The following FBXO25 variants were observed in gnomAD, a reference collection of about 807,000 sequenced individuals.
The protein encoded by FBXO25 is F-box only protein 25.
In FBXO25, 45 loss-of-function variants were observed where a neutral mutation model predicts 51.9. That is an observed-to-expected ratio of 0.87 (90% CI 0.68 to 1.11). The LOEUF is 1.11. Among genes scored for constraint, FBXO25 ranks in the 50% most tolerant of loss-of-function variants. The pLI is 0.00. For synonymous variants in FBXO25, 199 were observed against 151.0 expected (o/e 1.32, Z -2.33); for missense variants, 507 against 428.5 (o/e 1.18, Z -1.62).
intron 8 of FBXO25, among the ~76,000 whole-genome samples, chr8:461,460 T>C (rs1219756857): frequency 6.6e-6 from 1 of 152,156 alleles, no homozygotes; most frequent in African/African-American, 2.4e-5. Flanking sequence ...AACTGCCCTT[T>C]ATAAAATCAT....
At chr8:423,300 C>T (rs557078860) in intron 2 of FBXO25, among the ~76,000 whole-genome samples, 1 of 152,232 alleles carries the variant, frequency 6.6e-6, no homozygotes, top group East Asian at 1.9e-4. Flanking sequence ...CTTACTGGTT[C>T]TTCTTCTCCT....
intron 7 of FBXO25, among the ~76,000 whole-genome samples, chr8:456,534 G>C (rs17813015): frequency 0.13 from 20,021 of 152,206 alleles, 1,379 homozygotes; most frequent in South Asian, 0.18. Flanking sequence ...CTCTTGGACT[G>C]TGCAGCTCCA....
intron 7 of FBXO25, among the ~76,000 whole-genome samples, chr8:456,764 A>C (rs1167451191): frequency 1.3e-5 from 2 of 152,208 alleles, no homozygotes; most frequent in African/African-American, 2.4e-5. Flanking sequence ...CTTGGAGTGC[A>C]TCACTGGCGG....
chr8:417,327 A>G (rs1796867988), intron 2 of FBXO25, among the ~76,000 whole-genome samples: 1 of 152,228 alleles, frequency 6.6e-6, no homozygotes, highest in Non-Finnish European at 1.5e-5. Context: ...TCCAAGACGC[A>G]GGACAGAAGC....
intron 8 of FBXO25, among the ~76,000 whole-genome samples, chr8:460,311 C>T (rs921270176): frequency 3.3e-5 from 5 of 152,116 alleles, no homozygotes; most frequent in African/African-American, 1.2e-4. Context: ...CTGTTCTGCA[C>T]CCACATCCTA....
chr8:414,390 G>A (rs1011344963), intron 2 of FBXO25, among the ~76,000 whole-genome samples: 3 of 151,990 alleles, frequency 2.0e-5, no homozygotes, highest in Non-Finnish European at 4.4e-5. Flanking sequence ...AGAAATGTCA[G>A]GTGTCTCACA....
intron 7 of FBXO25, among the ~76,000 whole-genome samples, chr8:454,983 G>T (rs1431579075): frequency 6.6e-6 from 1 of 152,126 alleles, no homozygotes; most frequent in Non-Finnish European, 1.5e-5. Context: ...CTCTCCAGGG[G>T]CAAGAGGTTT....
chr8:432,235 T>C (rs1797859526), intron 3 of FBXO25, among the ~76,000 whole-genome samples: 1 of 151,828 alleles, frequency 6.6e-6, no homozygotes, highest in South Asian at 2.1e-4. Context: ...AAGGGGCGGG[T>C]AGTGTAGGAC....
chr8:459,158 C>A (rs1799647385), intron 8 of FBXO25, among the ~76,000 whole-genome samples: 1 of 152,330 alleles, frequency 6.6e-6, no homozygotes, highest in East Asian at 1.9e-4. Flanking sequence ...CCTCGTCACC[C>A]CACAGATGTC....
chr8:450,526 A>G (rs1267758689), intron 6 of FBXO25, among the ~76,000 whole-genome samples: 1 of 152,214 alleles, frequency 6.6e-6, no homozygotes, highest in Non-Finnish European at 1.5e-5. Context: ...CCATGACTTT[A>G]TACATGCATA....
intron 5 of FBXO25, among the ~76,000 whole-genome samples, chr8:439,984 A>G (rs1742828248): frequency 6.6e-6 from 1 of 152,146 alleles, no homozygotes; most frequent in Admixed American, 6.5e-5. Flanking sequence ...AAATTTTTTC[A>G]TAATTTCTAC....
At chr8:447,018 G>T (rs915913637) in intron 5 of FBXO25, among the ~76,000 whole-genome samples, 1 of 152,134 alleles carries the variant, frequency 6.6e-6, no homozygotes, top group African/African-American at 2.4e-5. Flanking sequence ...GCTAAGCCTG[G>T]GCAGTGATAC....
intron 1 of FBXO25, among the ~76,000 whole-genome samples, 169 bp downstream of exon 1, chr8:407,235 CGTCAGGTGGGGACGGGGCCTGTGGGAGG>C (rs1272831397): frequency 6.6e-4 from 89 of 134,806 alleles, no homozygotes; most frequent in African/African-American, 2.3e-3. Flanking sequence ...GTCGCGAGCG[CGTCAGGTGGGGACGGGGCCTGTGGGAGG>C]GTCAGGTGGG....
At chr8:423,435 C>G (rs995192816) in intron 2 of FBXO25, among the ~76,000 whole-genome samples, 6 of 151,694 alleles carry the variant, frequency 4.0e-5, no homozygotes, top group African/African-American at 1.2e-4. Flanking sequence ...TTTTTTTTAA[C>G]CCACCCCCAC....
intron 8 of FBXO25, among the ~76,000 whole-genome samples, chr8:462,395 TATG>T (rs1799873092): frequency 6.6e-6 from 1 of 151,224 alleles, no homozygotes; most frequent in Non-Finnish European, 1.5e-5. Context: ...TGTTATCACA[TATG>T]ATGTGTGTAG....
At chr8:421,823 T>G (rs1001214670) in intron 2 of FBXO25, among the ~76,000 whole-genome samples, 3 of 152,000 alleles carry the variant, frequency 2.0e-5, no homozygotes, top group African/African-American at 7.3e-5. Context: ...CTGTCAGATA[T>G]CAGAAGGGTA....
chr8:430,969 G>C (rs565429328), intron 2 of FBXO25, among the ~76,000 whole-genome samples: 2 of 152,162 alleles, frequency 1.3e-5, no homozygotes, highest in Non-Finnish European at 2.9e-5. Flanking sequence ...GCATGGGGAA[G>C]GTATACAGCA....
intron 5 of FBXO25, among the ~76,000 whole-genome samples, chr8:439,414 C>G (rs565269429): frequency 6.6e-6 from 1 of 152,186 alleles, no homozygotes; most frequent in Non-Finnish European, 1.5e-5. Context: ...GTACACACAT[C>G]TGTAGGAAAA....
chr8:453,607 C>G (rs1209876673), intron 7 of FBXO25, among the ~76,000 whole-genome samples: 6 of 152,152 alleles, frequency 3.9e-5, no homozygotes, highest in African/African-American at 1.4e-4. Flanking sequence ...GACCTGCTGG[C>G]TGATGCTGGA....
Sources: allele counts gnomAD v4.1 joint callset (sites outside exome capture counted in the v4.1 genomes callset), GRCh38; gene constraint gnomAD v4.1.1; transcripts MANE v1.5; gene names NCBI Gene and HGNC (gene_info 2026-07-23, HGNC 2026-07-21).